The following KAZN variants were observed in gnomAD, a reference collection of about 807,000 sequenced individuals.
The protein encoded by KAZN is kazrin, periplakin interacting protein, also known as kazrin.
Under a neutral mutation model 87.4 loss-of-function variants are expected in KAZN, and 40 were observed. That is an observed-to-expected ratio of 0.46 (90% confidence interval 0.36 to 0.60). The LOEUF (loss-of-function observed/expected upper bound fraction) is 0.60, where lower values mean the gene tolerates loss of function less well. KAZN is among the 20% of genes least tolerant of loss of function. KAZN has a pLI of 0.00. For missense variants in KAZN, 898 were observed against 1,073.9 expected, an observed-to-expected ratio of 0.84 and a Z score of 2.29; for synonymous variants, 466 against 458.3, an observed-to-expected ratio of 1.02 and a Z score of -0.22.
intron 2 of KAZN, among the ~76,000 whole-genome samples, chr1:14,296,343 G>C (rs1017607759): frequency 3.9e-5 from 6 of 152,188 alleles, no homozygotes; most frequent in Non-Finnish European, 8.8e-5. Flanking sequence ...GTGGGTAAGA[G>C]ATTAGGCTTC....
chr1:14,465,879 A>G (rs1257346489), intron 2 of KAZN, among the ~76,000 whole-genome samples: 1 of 152,190 alleles, frequency 6.6e-6, no homozygotes, highest in Non-Finnish European at 1.5e-5. Context: ...GACCACATAC[A>G]CAACAGTGGT....
Position 14,863,270 on chromosome 1 carries a change from C to G in KAZN, c.227-97414C>G, listed in dbSNP as rs376852478. 3.3e-5 allele frequency among the ~76,000 whole-genome samples: 5 copies of G among 152,156 alleles called. No homozygotes were observed. In the East Asian group the frequency reaches 5.8e-4, roughly 18 times the overall value. On this transcript the variant is annotated intron_variant, in intron 1 of 14. Transcript: ENST00000376030. ...AATGTACAGAGGGTGTCTTGGGCAC[C>G]CTGAGTGCTCCAAGAGTCCAAAGAG...
intron 8 of KAZN, among the ~76,000 whole-genome samples, chr1:15,090,479 G>A (rs577419267): frequency 6.6e-6 from 1 of 152,364 alleles, no homozygotes; most frequent in South Asian, 2.1e-4. Context: ...CGGTCCGTGG[G>A]AGCCGGGCAC....
chr1:14,681,605 GTATATGTGTATATATATATA>G (rs1640582814), intron 1 of KAZN, among the ~76,000 whole-genome samples: 1 of 22,496 alleles, frequency 4.4e-5, no homozygotes, highest in African/African-American at 1.4e-4. Context: ...ATATATATAT[GTATATGTGTATATATATATA>G]TATATATATA....
chr1:14,538,117 C>T (rs1672607789), intron 2 of KAZN, among the ~76,000 whole-genome samples: 1 of 152,142 alleles, frequency 6.6e-6, no homozygotes, highest in South Asian at 2.1e-4. Context: ...GATTTACACC[C>T]ACTGCATCAA....
At chr1:15,110,395 GTGTGTC>G (rs1641520028) in intron 13 of KAZN, among the ~76,000 whole-genome samples, 1 of 150,012 alleles carries the variant, frequency 6.7e-6, no homozygotes, top group African/African-American at 2.4e-5. Context: ...GTGTGTTTGT[GTGTGTC>G]TGTGTATTTG....
chr1:14,308,804 A>G (rs1046065282), intron 2 of KAZN, among the ~76,000 whole-genome samples: 2 of 152,242 alleles, frequency 1.3e-5, no homozygotes, highest in Non-Finnish European at 2.9e-5. Flanking sequence ...GGTGAAGGTC[A>G]GTGGTTACCA....
rs76798577 is a variant in KAZN, at chr1:14,233,576, C to G, written c.249+52984C>G. On this transcript the variant is annotated intron_variant, in intron 2 of 16. Coordinates refer to the KAZN transcript ENST00000636203. ...AGAATTATCCCCCGGAATATGAAAG[C>G]CAAAATCAGCTGACTCTCTGCTTTC... Among the ~76,000 whole-genome samples, 456 of 152,300 alleles carry G rather than the reference C, an allele frequency of 3.0e-3. 4 individuals are homozygous for G. The highest frequency in any genetic ancestry group is 0.011 in the African/African-American group (439 of 41,546).
In KAZN at chr1:14,738,650, A is replaced by C. The variant is rs1643988487; in HGVS notation, c.226+139427A>C. The stretch of plus-strand genomic sequence containing the variant: ...GAAGAGAGGTAAGTCCAGGCAGGTA[A>C]TGTTTAGAGCGTTACTGAGGCCCCG... On this transcript the variant is annotated intron_variant, in intron 1 of 14. Transcript: ENST00000376030. Among the ~76,000 whole-genome samples, 3 of 151,980 alleles carry C rather than the reference A, an allele frequency of 2.0e-5. No individual in the cohort carries two copies. In the South Asian group the frequency reaches 6.2e-4, roughly 32 times the overall value.
chr1:14,280,628 G>A (rs1015564242), intron 2 of KAZN, among the ~76,000 whole-genome samples: 11 of 152,120 alleles, frequency 7.2e-5, no homozygotes, highest in Non-Finnish European at 1.5e-4. Context: ...AACAACTTGT[G>A]TGATACCTTG....
intron 12 of KAZN, 61 bp downstream of exon 12, chr1:15,103,521 A>G (rs1203351941): frequency 4.0e-6 from 4 of 1,008,296 alleles, no homozygotes; most frequent in Non-Finnish European, 6.0e-6. Flanking sequence ...ATGCAAATCT[A>G]TATGCAAATC....
chr1:14,892,031 CG>C (rs1654773451), intron 1 of KAZN, among the ~76,000 whole-genome samples: 1 of 152,070 alleles, frequency 6.6e-6, no homozygotes, highest in Non-Finnish European at 1.5e-5. Flanking sequence ...AACATGCCCC[CG>C]TCCCTACCTC....
At chr1:14,433,160 A>T (rs1666179606) in intron 2 of KAZN, among the ~76,000 whole-genome samples, 1 of 152,126 alleles carries the variant, frequency 6.6e-6, no homozygotes, top group Non-Finnish European at 1.5e-5. Context: ...TGAGATACGA[A>T]CATGCAGACA....
chr1:13,972,276 C>CT (rs546200121), intron 1 of KAZN, among the ~76,000 whole-genome samples: 30,906 of 141,042 alleles, frequency 0.22, 4,013 homozygotes, highest in African/African-American at 0.36. Context: ...TTTTTCTTTT[C>CT]TTTTTTTTTT....
chr1:14,938,446 G>A (rs1660698408), intron 1 of KAZN, among the ~76,000 whole-genome samples: 1 of 151,820 alleles, frequency 6.6e-6, no homozygotes, highest in African/African-American at 2.4e-5. Context: ...GGAGGCTGAG[G>A]CAGGAGGATC....
At chr1:14,420,808 C>T (rs909123562) in intron 2 of KAZN, among the ~76,000 whole-genome samples, 1 of 151,764 alleles carries the variant, frequency 6.6e-6, no homozygotes, top group Admixed American at 6.6e-5. Context: ...GTGCGGGGCC[C>T]ACCGAGCCCA....
In KAZN at chr1:14,918,039, C is replaced by T. The variant is rs538207004; in HGVS notation, c.227-42645C>T. Among the ~76,000 whole-genome samples, 185 of 152,044 alleles carry T rather than the reference C, an allele frequency of 1.2e-3. 2 individuals are homozygous for T. The highest frequency in any genetic ancestry group is 3.4e-3 in the Middle Eastern group (1 of 294). On this transcript the variant is annotated intron_variant, in intron 1 of 14. Coordinates refer to ENST00000376030, the MANE Select transcript of KAZN (RefSeq NM_201628.3). ...GATTACAAGCATGAGCCACCACGCC[C>T]GGCTAATTTTTGTATTTTTAGTAGA...
chr1:14,509,279 G>A (rs1437586786), intron 2 of KAZN, among the ~76,000 whole-genome samples: 1 of 152,204 alleles, frequency 6.6e-6, no homozygotes, highest in Non-Finnish European at 1.5e-5. Flanking sequence ...TGGTAGAAAT[G>A]TGGTATGACT....
chr1:14,060,130 G>A (rs572051858), intron 1 of KAZN, among the ~76,000 whole-genome samples: 6 of 152,070 alleles, frequency 3.9e-5, no homozygotes, highest in Non-Finnish European at 7.4e-5. Flanking sequence ...TTGGGAGGCC[G>A]AGGCGGGCGG....
Sources: allele counts gnomAD v4.1 joint callset (sites outside exome capture counted in the v4.1 genomes callset), GRCh38; gene constraint gnomAD v4.1.1; transcripts MANE v1.5; gene names NCBI Gene and HGNC (gene_info 2026-07-23, HGNC 2026-07-21).